Variants in IPMK observed in about 807,000 individuals in gnomAD.
IPMK encodes the protein inositol 1,3,4,6-tetrakisphosphate 5-kinase.
In IPMK, 17 loss-of-function variants were observed where a neutral mutation model predicts 45.8. The ratio of observed to expected loss-of-function variants is 0.37; its 90% CI spans 0.25 to 0.56. IPMK has a LOEUF of 0.56. IPMK is among the 20% of genes least tolerant of loss of function. The pLI is 0.79. For synonymous variants in IPMK, 180 were observed against 184.3 expected, an observed-to-expected ratio of 0.98 and a Z score of 0.19; for missense variants, 399 against 498.0, an observed-to-expected ratio of 0.80 and a Z score of 1.89.
At chr10:58,248,218 TAATG>T (rs947520281) in intron 1 of IPMK, among the ~76,000 whole-genome samples, 152 of 151,956 alleles carry the variant, frequency 1.0e-3, no homozygotes, top group African/African-American at 3.4e-3. Context: ...AGTATAATAA[TAATG>T]AATTTAAAAA....
At chr10:58,212,035 C>A (rs1202857145) in intron 4 of IPMK, among the ~76,000 whole-genome samples, 2 of 150,716 alleles carry the variant, frequency 1.3e-5, no homozygotes, top group Non-Finnish European at 2.9e-5. Context: ...TCTTAGTAAT[C>A]TCTTCCAGAG....
chr10:58,218,379 AG>A lies in IPMK; in HGVS notation c.374-2063del, dbSNP rs1838281027. The stretch of plus-strand genomic sequence containing the variant: ...AACCATGGATGGTATGAGAGAAGAA[AG>A]AAGCACAGGACATTTACCTTCAGAT... On this transcript the variant is annotated intron_variant, in intron 3 of 5. Coordinates refer to ENST00000373935, the MANE Select transcript of IPMK (RefSeq NM_152230.5). 3.9e-5 allele frequency among the ~76,000 whole-genome samples: 6 copies of A among 152,338 alleles called. No homozygotes were observed. In the South Asian group the frequency reaches 1.2e-3, roughly 32 times the overall value.
intron 5 of IPMK, among the ~76,000 whole-genome samples, chr10:58,198,198 T>C (rs1198265145): frequency 1.3e-5 from 2 of 152,194 alleles, no homozygotes; most frequent in East Asian, 1.9e-4. Flanking sequence ...CTCAATAATA[T>C]TGATTAAGTC....
chr10:58,264,965 T>C (rs1289385742), intron 1 of IPMK, among the ~76,000 whole-genome samples: 1 of 152,018 alleles, frequency 6.6e-6, no homozygotes, highest in Non-Finnish European at 1.5e-5. Flanking sequence ...GGAGAATGAG[T>C]AGGGGGAAGG....
In IPMK at chr10:58,193,566, T is replaced by C. The variant is rs1380372481; in HGVS notation, c.*2510A>G. 9 of 151,816 alleles carry C rather than the reference T, an allele frequency of 5.9e-5. No homozygotes were observed. The highest frequency in any genetic ancestry group is 2.2e-4 in the African/African-American group (9 of 41,444). The allele number at this position is 151,816 out of a possible 1,614,324, so 9.4% of individuals were successfully genotyped here. On this transcript the variant is annotated 3_prime_UTR_variant, in exon 6 of 6. Coordinates refer to ENST00000373935, the MANE Select transcript of IPMK (RefSeq NM_152230.5). ...TAATGTAAATATTATAAAACTATTATACAATTTAAATTTTTATTAGAGAAA... is the reference window on the plus strand; with the variant it reads ...TAATGTAAATATTATAAAACTATTACACAATTTAAATTTTTATTAGAGAAA...
intron 4 of IPMK, among the ~76,000 whole-genome samples, chr10:58,212,221 T>C (rs970837813): frequency 2.0e-5 from 3 of 152,204 alleles, no homozygotes; most frequent in African/African-American, 4.8e-5. Context: ...ACAACAGTCT[T>C]ATTCTTTCTA....
chr10:58,216,060 T>C (rs1323872268), intron 4 of IPMK, 85 bp downstream of exon 4: 2 of 840,540 alleles, frequency 2.4e-6, no homozygotes, highest in African/African-American at 1.8e-5. Flanking sequence ...TTTTCTGATA[T>C]ATTAGTACTA....
chr10:58,252,261 A>T (rs184477508), intron 1 of IPMK, among the ~76,000 whole-genome samples: 6 of 152,336 alleles, frequency 3.9e-5, no homozygotes, highest in Admixed American at 3.9e-4. Flanking sequence ...AACAAACTCT[A>T]TACTTTAACA....
chr10:58,236,978 A>T (rs947753821), intron 2 of IPMK, among the ~76,000 whole-genome samples: 2 of 152,200 alleles, frequency 1.3e-5, no homozygotes, highest in African/African-American at 4.8e-5. Context: ...GCACAGGCTG[A>T]GGTGGGAGAA....
chr10:58,235,265 T>C (rs1838592998), intron 2 of IPMK, among the ~76,000 whole-genome samples: 1 of 152,230 alleles, frequency 6.6e-6, no homozygotes, highest in Non-Finnish European at 1.5e-5. Flanking sequence ...TGGCGATTCC[T>C]CAAGGATCTA....
intron 2 of IPMK, among the ~76,000 whole-genome samples, chr10:58,232,330 G>T (rs1291487939): frequency 6.6e-6 from 1 of 152,178 alleles, no homozygotes; most frequent in Non-Finnish European, 1.5e-5. Context: ...ACAACAAGCA[G>T]ACCTAATAGA....
intron 1 of IPMK, among the ~76,000 whole-genome samples, chr10:58,248,733 C>T (rs1403934838): frequency 6.6e-6 from 1 of 152,198 alleles, no homozygotes; most frequent in South Asian, 2.1e-4. Context: ...CATGATCCTA[C>T]TCTCTACCAC....
chr10:58,241,445 A>G (rs1838696012), intron 1 of IPMK, among the ~76,000 whole-genome samples: 1 of 152,244 alleles, frequency 6.6e-6, no homozygotes, highest in Non-Finnish European at 1.5e-5. Flanking sequence ...AGAAATACTG[A>G]GAAAAATCCT....
chr10:58,200,283 T>C lies in IPMK; in HGVS notation c.547-962A>G, dbSNP rs1837978206. ...ACAGGTGCGTGACAATACAGCCAGGTAATTTTTGTATTTTTAGTAGAGGTG... is the reference window on the plus strand; with the variant it reads ...ACAGGTGCGTGACAATACAGCCAGGCAATTTTTGTATTTTTAGTAGAGGTG... On this transcript the variant is annotated intron_variant, in intron 4 of 5. Transcript: ENST00000373935. Among the ~76,000 whole-genome samples, 3 of 151,962 alleles carry C rather than the reference T, an allele frequency of 2.0e-5. No homozygotes were observed. The South Asian group carries it at 6.2e-4, about 32-fold the overall frequency.
chr10:58,237,048 C>T (rs1838624225), intron 2 of IPMK, among the ~76,000 whole-genome samples: 1 of 152,170 alleles, frequency 6.6e-6, no homozygotes, highest in African/African-American at 2.4e-5. Flanking sequence ...TGCACTTCAG[C>T]CTGGGCAACA....
At chr10:58,223,811 C>A (rs547038028) in intron 3 of IPMK, among the ~76,000 whole-genome samples, 53 of 152,222 alleles carry the variant, frequency 3.5e-4, no homozygotes, top group African/African-American at 1.3e-3. Context: ...GGAATTCTCA[C>A]GAGATCTGAT....
At chr10:58,211,187 C>G (rs1319252500) in intron 4 of IPMK, among the ~76,000 whole-genome samples, 1 of 131,068 alleles carries the variant, frequency 7.6e-6, no homozygotes, top group Non-Finnish European at 1.5e-5. Context: ...CAGTGATTAC[C>G]CGGTTTTTTT....
intron 2 of IPMK, among the ~76,000 whole-genome samples, chr10:58,228,140 A>G (rs1838448668): frequency 6.6e-6 from 1 of 152,206 alleles, no homozygotes; most frequent in Non-Finnish European, 1.5e-5. Flanking sequence ...TAGAGTAAGT[A>G]TACCTGAACG....
chr10:58,247,333 C>A (rs1838816675), intron 1 of IPMK, among the ~76,000 whole-genome samples: 1 of 151,432 alleles, frequency 6.6e-6, no homozygotes, highest in African/African-American at 2.5e-5. Context: ...ATAAATCATG[C>A]TGCTATAAAG....
Sources: allele counts gnomAD v4.1 joint callset (sites outside exome capture counted in the v4.1 genomes callset), GRCh38; gene constraint gnomAD v4.1.1; transcripts MANE v1.5; gene names NCBI Gene and HGNC (gene_info 2026-07-23, HGNC 2026-07-21).